SCN7A: variants seen among roughly 807,000 people sequenced by gnomAD.
SCN7A encodes sodium voltage-gated channel alpha subunit 7.
A neutral mutation model predicts 155.2 loss-of-function variants in SCN7A; 138 were observed. The observed-to-expected ratio is 0.89, with a 90% CI of 0.77 to 1.02. The LOEUF (loss-of-function observed/expected upper bound fraction) is 1.02. SCN7A is among the 50% of genes least tolerant of loss of function. The pLI is 0.00. For synonymous variants in SCN7A, 693 were observed against 649.0 expected (o/e 1.07, Z -1.03); for missense variants, 2,058 against 1,986.6 (o/e 1.04, Z -0.68).
chr2:166,443,624 T>C lies in SCN7A; in HGVS notation c.1679A>G (p.His560Arg). The part of the protein sequence containing the change: ...AEMIFKIIAM[H>R]PYGYFQVGWN... ...ACCTACTTGGAAATACCCATATGGA[T>C]GCATTGCAATTATTTTAAAAATCAT... The change falls in exon 14 of 26, where the codon CAT becomes CGT. Residue 560 changes from histidine (H) to arginine (R), a missense_variant. Coordinates refer to ENST00000643258, the MANE Select transcript of SCN7A (RefSeq NM_002976.4). 6.4e-7 allele frequency: 1 copy of C among 1,566,786 alleles called. No individual in the cohort carries two copies. The highest frequency in any genetic ancestry group is 8.7e-7 in the Non-Finnish European group (1 of 1,155,124).
At chr2:166,435,234 A>T (rs13006368) in intron 15 of SCN7A, among the ~76,000 whole-genome samples, 12,704 of 152,114 alleles carry the variant, frequency 0.084, 558 homozygotes, top group Middle Eastern at 0.16. Flanking sequence ...CTCTTTAAGG[A>T]TTTAAAGGAA....
chr2:166,491,187 C>A (rs1266157701), intron 1 of SCN7A, among the ~76,000 whole-genome samples: 1 of 152,150 alleles, frequency 6.6e-6, no homozygotes, highest in Non-Finnish European at 1.5e-5. Flanking sequence ...ACCTCCTGTT[C>A]TAGTTTAACA....
At chr2:166,465,348 T>G in intron 9 of SCN7A, 114 bp downstream of exon 9, 1 of 758,982 alleles carries the variant, frequency 1.3e-6, no homozygotes, top group South Asian at 1.8e-5. Context: ...ATGGTTTTGA[T>G]GATGAAATGA....
intron 1 of SCN7A, among the ~76,000 whole-genome samples, chr2:166,493,604 C>A (rs1683163250): frequency 6.6e-6 from 1 of 152,210 alleles, no homozygotes; most frequent in Non-Finnish European, 1.5e-5. Flanking sequence ...AAGTGTACAA[C>A]AATCTGCATA....
chr2:166,430,711 T>C (rs145738936), intron 16 of SCN7A, among the ~76,000 whole-genome samples: 9 of 152,044 alleles, frequency 5.9e-5, no homozygotes, highest in African/African-American at 1.2e-4. Context: ...CAAAACACGA[T>C]GTAAATTTTG....
At chr2:166,420,383 A>G (rs1281976055) in intron 20 of SCN7A, among the ~76,000 whole-genome samples, 1 of 152,104 alleles carries the variant, frequency 6.6e-6, no homozygotes, top group Non-Finnish European at 1.5e-5. Flanking sequence ...TATGAAAAAA[A>G]TCTATGTAAA....
intron 7 of SCN7A, among the ~76,000 whole-genome samples, chr2:166,468,798 C>G (rs772654277): frequency 6.6e-6 from 1 of 151,778 alleles, no homozygotes; most frequent in South Asian, 2.1e-4. Flanking sequence ...GTATAGAATT[C>G]TAGTGTCTCA....
In SCN7A at chr2:166,427,621, G is replaced by T. The variant is rs569623768; in HGVS notation, c.2853+167C>A. On this transcript the variant is annotated intron_variant, in intron 18 of 25. Transcript: ENST00000643258. ...AATGATGCATATATAAACTTTCTAA[G>T]AAAGTATATTATTTAGATTTTAAAT... Among the ~76,000 whole-genome samples, 8 of 151,956 alleles carry T rather than the reference G, an allele frequency of 5.3e-5. 1 individual carries two copies. The East Asian group carries it at 1.5e-3, about 29-fold the overall frequency.
rs369679224 is a variant in SCN7A at position 166,418,888 on chromosome 2, A to G, written c.3136-1903T>C. Among the ~76,000 whole-genome samples the G allele has an allele frequency of 1.6e-4, 25 of 152,348 alleles. No individual in the cohort carries two copies. The East Asian group carries it at 4.6e-3, about 28-fold the overall frequency. On this transcript the variant is annotated intron_variant, in intron 20 of 25. Coordinates refer to ENST00000643258, the MANE Select transcript of SCN7A (RefSeq NM_002976.4). ...AACTTCCTAATATACTCAATGATAT[A>G]TCTTCAGAGATAATTTACAGAACTT...
At position 166,447,757 on chromosome 2, in the gene SCN7A, C is replaced by T. The variant is rs527380450; in HGVS notation, c.1291-49G>A. The T allele has an allele frequency of 3.7e-5, 50 of 1,344,284 alleles. No homozygotes were observed. In the South Asian group the frequency reaches 5.8e-4, roughly 16 times the overall value. The allele number at this position is 1,344,284 out of a possible 1,614,324, so 83.3% of individuals were successfully genotyped here. A position where few individuals can be genotyped will look rare whatever the true frequency, so the allele number is the denominator to read the frequency against. ...ATACTGGCTTCCTGTCTTTGCAGGT[C>T]CAAGACTATAAGAAGGTGCACAGCC... On this transcript the variant is annotated intron_variant, in intron 11 of 25. Transcript: ENST00000643258.
rs151158635 is a variant in SCN7A, at chr2:166,439,548, T to C, written c.2157+1848A>G. Among the ~76,000 whole-genome samples, 32 of 152,274 alleles carry C rather than the reference T, an allele frequency of 2.1e-4. No homozygotes were observed. In the East Asian group the frequency reaches 4.8e-3, roughly 23 times the overall value. ...TCTCTGTAATGATCCCATTTAATCA[T>C]TTGTGTCACATCCAAACTGAAGCAA... On this transcript the variant is annotated intron_variant, in intron 15 of 25. Transcript: ENST00000643258.
chr2:166,491,907 T>A (rs1043679988), intron 1 of SCN7A, among the ~76,000 whole-genome samples: 1 of 152,114 alleles, frequency 6.6e-6, no homozygotes, highest in Non-Finnish European at 1.5e-5. Flanking sequence ...AGGCAGTAGG[T>A]AGATGGTGAG....
chr2:166,407,685 T>A (rs150518525), intron 25 of SCN7A, among the ~76,000 whole-genome samples: 2,361 of 152,070 alleles, frequency 0.016, 73 homozygotes, highest in African/African-American at 0.054. Context: ...TACATTCTCA[T>A]CACTAATTTT....
chr2:166,427,665 G>T lies in SCN7A; in HGVS notation c.2853+123C>A, dbSNP rs989453115. 9.2e-6 allele frequency: 6 copies of T among 649,516 alleles called. No homozygotes were observed. In the Admixed American group the frequency reaches 1.5e-4, roughly 16 times the overall value. 40.2% of individuals were successfully genotyped at this position (649,516 alleles called of 1,614,324 possible). A position where few individuals can be genotyped will look rare whatever the true frequency, so the allele number is the denominator to read the frequency against. ...TTTAAATCACAGATTATGAAATTTG[G>T]TGCTATTTGGTGCTATACTAAATAT... On this transcript the variant is annotated intron_variant, in intron 18 of 25. Transcript: ENST00000643258.
intron 15 of SCN7A, among the ~76,000 whole-genome samples, chr2:166,437,051 T>A (rs1701854493): frequency 6.6e-6 from 1 of 152,244 alleles, no homozygotes; most frequent in South Asian, 2.1e-4. Context: ...AGGAGCCAAA[T>A]ATTAATCACC....
chr2:166,441,071 A>T, intron 15 of SCN7A: 1 of 384,332 alleles, frequency 2.6e-6, no homozygotes, highest in Non-Finnish European at 4.6e-6. Context: ...GACCACAGGC[A>T]ACTGAAACCA....
At chr2:166,482,249 G>T (rs1024919499) in intron 2 of SCN7A, among the ~76,000 whole-genome samples, 4 of 151,822 alleles carry the variant, frequency 2.6e-5, no homozygotes, top group Non-Finnish European at 2.9e-5. Flanking sequence ...ACTAAACTAA[G>T]TTAAAAATAT....
intron 18 of SCN7A, among the ~76,000 whole-genome samples, chr2:166,427,434 G>A (rs1701647406): frequency 6.6e-6 from 1 of 151,984 alleles, no homozygotes; most frequent in Non-Finnish European, 1.5e-5. Flanking sequence ...TATTATAGCA[G>A]TTTTGGATGT....
In SCN7A at chr2:166,432,638, CT is replaced by C; in HGVS notation, c.2271del (p.Gly758GlufsTer2). Reference protein sequence around the residue: ...NLQLAVARIKKGINYVLLKIL... With the variant: ...NLQLAVARIKXGINYVLLKIL... Reference sequence around the variant, plus strand: ...ATTTTAAGAAGCACATAGTTTATTCCTTTTTTAATTCTTGCCACTGCAAGCT... The same window carrying C: ...ATTTTAAGAAGCACATAGTTTATTCCTTTTTAATTCTTGCCACTGCAAGCT... On this transcript the variant is annotated frameshift_variant, in exon 16 of 26. Coordinates refer to ENST00000643258, the MANE Select transcript of SCN7A (RefSeq NM_002976.4). LOFTEE classifies it high-confidence loss of function. The C allele has an allele frequency of 1.2e-6, 2 of 1,610,994 alleles. No individual in the cohort carries two copies. The highest frequency in any genetic ancestry group is 1.1e-5 in the South Asian group (1 of 90,368).
Sources: gnomAD v4.1 joint callset for allele counts (sites outside exome capture counted in the v4.1 genomes callset) on GRCh38, gnomAD v4.1.1 for gene constraint, MANE v1.5 for transcripts, NCBI Gene and HGNC (gene_info 2026-07-23, HGNC 2026-07-21) for gene names.